The following SERPINB2 variants were observed in gnomAD, a reference collection of about 807,000 sequenced individuals.
SERPINB2 encodes serpin family B member 2.
In SERPINB2, 28 loss-of-function variants were observed where a neutral mutation model predicts 39.4. The observed-to-expected ratio is 0.71, with a 90% confidence interval of 0.53 to 0.97. The LOEUF (loss-of-function observed/expected upper bound fraction) is 0.97, where lower values mean the gene tolerates loss of function less well. Among genes scored for constraint, SERPINB2 ranks in the 50% least tolerant of loss-of-function variants. SERPINB2 has a pLI of 0.00. For synonymous variants in SERPINB2, 209 were observed against 175.1 expected (o/e 1.19, Z -1.53); for missense variants, 557 against 505.3 (o/e 1.10, Z -0.98).
At position 63,903,022 on chromosome 18, in the gene SERPINB2, C is replaced by T. The variant is rs563919973; in HGVS notation, c.965C>T (p.Ser322Phe). ...TTAGAAGAGCATTATGAACTCAGAT[C>T]CATTCTGAGAAGCATGGGCATGGAG... Reference protein sequence around the residue: ...FKLEEHYELRSILRSMGMEDA... With the variant: ...FKLEEHYELRFILRSMGMEDA... The change falls in exon 8 of 8, where the codon TCC becomes TTC. Residue 322 changes from serine (S) to phenylalanine (F), a missense_variant. Transcript: ENST00000299502. The T allele has an allele frequency of 1.7e-5, 27 of 1,613,816 alleles. No individual in the cohort carries two copies. The highest frequency in any genetic ancestry group is 8.3e-5 in the Admixed American group (5 of 59,968).
chr18:63,903,319 G>T lies in SERPINB2; in HGVS notation c.*14G>T. The T allele has an allele frequency of 6.8e-7, 1 of 1,473,840 alleles. No individual in the cohort carries two copies. Among genetic ancestry groups the T allele is most frequent in the Non-Finnish European group, 9.0e-7 (1 of 1,112,602 alleles). 91.3% of individuals were successfully genotyped at this position (1,473,840 alleles called of 1,614,324 possible). A position where few individuals can be genotyped will look rare whatever the true frequency, so the allele number is the denominator to read the frequency against. On this transcript the variant is annotated 3_prime_UTR_variant, in exon 8 of 8. Transcript: ENST00000299502. ...TCCTCACCCTAAAACTAAGCGTGCTGCTTCTGCAAAAGATTTTTGTAGATG... is the reference window on the plus strand; with the variant it reads ...TCCTCACCCTAAAACTAAGCGTGCTTCTTCTGCAAAAGATTTTTGTAGATG...
chr18:63,901,795 C>G lies in SERPINB2; in HGVS notation c.591C>G (p.Val197=), dbSNP rs1200104397. The change falls in exon 6 of 8, where the codon GTC becomes GTG. Residue 197 remains valine, a synonymous_variant. Coordinates refer to ENST00000299502, the MANE Select transcript of SERPINB2 (RefSeq NM_002575.3). ...EGSVDGDTRM[V]LVNAVYFKGK... Reference sequence around the variant, plus strand: ...CTGTAGATGGGGATACCAGGATGGTCCTGGTGAATGCTGTCTACTTCAAAG... The same window carrying G: ...CTGTAGATGGGGATACCAGGATGGTGCTGGTGAATGCTGTCTACTTCAAAG... 1.3e-6 allele frequency: 2 copies of G among 1,597,946 alleles called. No homozygotes were observed. Among genetic ancestry groups the G allele is most frequent in the South Asian group, 2.3e-5 (2 of 87,176 alleles).
intron 3 of SERPINB2, 134 bp downstream of exon 3, chr18:63,895,517 G>A (rs143919626): frequency 4.4e-6 from 5 of 1,138,934 alleles, no homozygotes; most frequent in Middle Eastern, 2.1e-4. Flanking sequence ...AAGACTCAGA[G>A]TCATTAAGAA....
chr18:63,887,869 G>T (rs1439756908), intron 1 of SERPINB2, 99 bp downstream of exon 1: 1 of 151,710 alleles, frequency 6.6e-6, no homozygotes, highest in African/African-American at 2.4e-5. Flanking sequence ...TGGATGTGGG[G>T]TGTTTGTAGA....
Position 63,903,071 on chromosome 18 carries a change from C to G in SERPINB2, c.1014C>G (p.Ala338=). 1.2e-6 allele frequency: 2 copies of G among 1,613,668 alleles called. No homozygotes were observed. The highest frequency in any genetic ancestry group is 1.7e-6 in the Non-Finnish European group (2 of 1,179,766). ...AGGACGCCTTCAACAAGGGACGGGC[C>G]AATTTCTCAGGGATGTCGGAGAGGA... The part of the protein sequence containing the change: ...GMEDAFNKGR[A]NFSGMSERND... The change falls in exon 8 of 8, where the codon GCC becomes GCG. Residue 338 remains alanine, a synonymous_variant. Coordinates refer to ENST00000299502, the MANE Select transcript of SERPINB2 (RefSeq NM_002575.3).
In SERPINB2 at chr18:63,903,071, C is replaced by T; in HGVS notation, c.1014C>T (p.Ala338=). The T allele has an allele frequency of 1.9e-6, 3 of 1,613,668 alleles. No homozygotes were observed. The highest frequency in any genetic ancestry group is 2.5e-6 in the Non-Finnish European group (3 of 1,179,766). Reference sequence around the variant, plus strand: ...AGGACGCCTTCAACAAGGGACGGGCCAATTTCTCAGGGATGTCGGAGAGGA... The same window carrying T: ...AGGACGCCTTCAACAAGGGACGGGCTAATTTCTCAGGGATGTCGGAGAGGA... ...GMEDAFNKGR[A]NFSGMSERND... The change falls in exon 8 of 8, where the codon GCC becomes GCT. Residue 338 remains alanine, a synonymous_variant. Coordinates refer to ENST00000299502, the MANE Select transcript of SERPINB2 (RefSeq NM_002575.3).
chr18:63,902,452 A>T lies in SERPINB2; in HGVS notation c.727A>T (p.Ile243Phe). The change falls in exon 7 of 8, where the codon ATT becomes TTT. Residue 243 changes from isoleucine to phenylalanine, a missense_variant. By Grantham distance (21) the Ile-to-Phe change is conservative. Transcript: ENST00000299502. Reference sequence around the variant, plus strand: ...GATGTACTTGCGTGAAAAGCTAAACATTGGATACATAGAAGACCTAAAGGC... The same window carrying T: ...GATGTACTTGCGTGAAAAGCTAAACTTTGGATACATAGAAGACCTAAAGGC... Reference protein sequence around the residue: ...QMMYLREKLNIGYIEDLKAQI... With the variant: ...QMMYLREKLNFGYIEDLKAQI... The T allele has an allele frequency of 1.2e-6, 2 of 1,613,590 alleles. No individual in the cohort carries two copies. The highest frequency in any genetic ancestry group is 2.2e-5 in the South Asian group (2 of 91,060).
chr18:63,892,976 A>G (rs933452070), intron 2 of SERPINB2, among the ~76,000 whole-genome samples: 6 of 151,954 alleles, frequency 3.9e-5, no homozygotes, highest in Admixed American at 1.3e-4. Flanking sequence ...CCTATCACCC[A>G]GGCTGGAGTG....
Position 63,897,768 on chromosome 18 carries a change from C to T in SERPINB2, c.459C>T (p.Pro153=), listed in dbSNP as rs778529592. The T allele has an allele frequency of 4.3e-6, 7 of 1,613,400 alleles. 1 individual carries two copies. Among genetic ancestry groups the T allele is most frequent in the Non-Finnish European group, 5.9e-6 (7 of 1,179,454 alleles). Reference sequence around the variant, plus strand: ...GTCAGAAATATTACTCCTCAGAACCCCAGGCAGTAGACTTCCTAGAATGTG... The same window carrying T: ...GTCAGAAATATTACTCCTCAGAACCTCAGGCAGTAGACTTCCTAGAATGTG... ...RLCQKYYSSE[P]QAVDFLECAE... Residue 153 remains proline (P), a synonymous_variant, in exon 5 of 8, where the codon CCC becomes CCT. Transcript: ENST00000299502.
At chr18:63,891,141 G>A (rs967485456) in intron 1 of SERPINB2, among the ~76,000 whole-genome samples, 1 of 152,116 alleles carries the variant, frequency 6.6e-6, no homozygotes, top group Non-Finnish European at 1.5e-5. Context: ...CTCAGGACTG[G>A]CTATGTAATT....
intron 1 of SERPINB2, among the ~76,000 whole-genome samples, chr18:63,888,073 T>A (rs2049904074): frequency 6.6e-6 from 1 of 152,222 alleles, no homozygotes. Context: ...AGATTATATA[T>A]GTTCTCTACT....
At chr18:63,888,876 G>A (rs2049908516) in intron 1 of SERPINB2, among the ~76,000 whole-genome samples, 1 of 152,176 alleles carries the variant, frequency 6.6e-6, no homozygotes, top group Non-Finnish European at 1.5e-5. Flanking sequence ...ACCTGTTCCA[G>A]GAGGCTGTGG....
intron 5 of SERPINB2, 61 bp downstream of exon 5, chr18:63,897,905 T>C: frequency 8.5e-7 from 1 of 1,176,248 alleles, no homozygotes. Context: ...ATCTATCTTT[T>C]TCCATCCATG....
chr18:63,891,322 C>A (rs1649103886), intron 1 of SERPINB2, 114 bp from the exon 2 acceptor site: 5 of 1,060,272 alleles, frequency 4.7e-6, no homozygotes, highest in East Asian at 4.9e-5. Context: ...TGAGGAAGAA[C>A]AGACAGGGAA....
In SERPINB2 at chr18:63,903,025, T is replaced by C. The variant is rs766815504; in HGVS notation, c.968T>C (p.Ile323Thr). The C allele has an allele frequency of 6.3e-5, 102 of 1,613,708 alleles. No homozygotes were observed. The South Asian group carries it at 1.1e-3, about 17-fold the overall frequency. ...GAAGAGCATTATGAACTCAGATCCA[T>C]TCTGAGAAGCATGGGCATGGAGGAC... ...KLEEHYELRS[I>T]LRSMGMEDAF... The change falls in exon 8 of 8, where the codon ATT becomes ACT. Residue 323 changes from isoleucine to threonine, a missense_variant. Physicochemically the swap from Ile to Thr is moderately conservative, Grantham distance 89 (BLOSUM62 -1). Coordinates refer to ENST00000299502, the MANE Select transcript of SERPINB2 (RefSeq NM_002575.3).
chr18:63,896,407 A>ATAGGTATCT, intron 3 of SERPINB2, among the ~76,000 whole-genome samples: 1 of 151,804 alleles, frequency 6.6e-6, no homozygotes, highest in Middle Eastern at 3.2e-3. Context: ...TGCCCCATAA[A>ATAGGTATCT]ATAGGTATCT....
intron 1 of SERPINB2, among the ~76,000 whole-genome samples, chr18:63,889,598 A>T (rs1297950145): frequency 6.6e-6 from 1 of 152,080 alleles, no homozygotes; most frequent in African/African-American, 2.4e-5. Context: ...TGTTATTAAT[A>T]CTCAGTTTGT....
At chr18:63,899,372 C>G (rs1315938323) in intron 5 of SERPINB2, among the ~76,000 whole-genome samples, 3 of 152,108 alleles carry the variant, frequency 2.0e-5, no homozygotes, top group Non-Finnish European at 4.4e-5. Context: ...TCCTATGCCC[C>G]CACAAAAATT....
intron 2 of SERPINB2, among the ~76,000 whole-genome samples, chr18:63,894,091 T>G (rs777853499): frequency 6.6e-6 from 1 of 152,204 alleles, no homozygotes; most frequent in Non-Finnish European, 1.5e-5. Context: ...GTGGCCTTTG[T>G]GTGGACTAGG....
Sources: allele counts gnomAD v4.1 joint callset (sites outside exome capture counted in the v4.1 genomes callset), GRCh38; gene constraint gnomAD v4.1.1; transcripts MANE v1.5; gene names NCBI Gene and HGNC (gene_info 2026-07-23, HGNC 2026-07-21).